HTR4: variants seen among roughly 807,000 people sequenced by gnomAD.
HTR4 encodes the protein 5-hydroxytryptamine receptor 4.
Under a neutral mutation model 36.8 loss-of-function variants are expected in HTR4, and 16 were observed. The ratio of observed to expected loss-of-function variants is 0.43; its 90% CI spans 0.29 to 0.66. HTR4 has a LOEUF of 0.66. Ranked by LOEUF, HTR4 falls within the 30% of genes least tolerant of loss-of-function variation. HTR4 has a pLI of 0.13. For missense variants in HTR4, 438 were observed against 490.9 expected, an observed-to-expected ratio of 0.89 and a Z score of 1.02; for synonymous variants, 189 against 185.1, an observed-to-expected ratio of 1.02 and a Z score of -0.17.
chr5:148,466,009 G>A (rs1408784191), intron 5 of HTR4: 49 of 1,572,318 alleles, frequency 3.1e-5, no homozygotes, highest in Non-Finnish European at 4.0e-5. Context: ...AAAACATAGA[G>A]ATTAGTAGAC....
In HTR4 at chr5:148,509,791, G is replaced by C; in HGVS notation, c.741C>G (p.Ser247Arg). 6.2e-7 allele frequency: 1 copy of C among 1,614,028 alleles called. No individual in the cohort carries two copies. The highest frequency in any genetic ancestry group is 8.5e-7 in the Non-Finnish European group (1 of 1,179,994). Residue 247 changes from serine to arginine, a missense_variant, in exon 6 of 7, where the codon AGC becomes AGG. By Grantham distance (110) the Ser-to-Arg change is moderately radical. Coordinates refer to ENST00000377888, the MANE Select transcript of HTR4 (RefSeq NM_000870.7). ...TGGTCTCTGTCCTCATGCGATGAGT[G>C]CTATGCTGGTCTGCCGACTGAGGCC... Reference protein sequence around the residue: ...ESRPQSADQHSTHRMRTETKA... With the variant: ...ESRPQSADQHRTHRMRTETKA...
intron 5 of HTR4, chr5:148,520,827 G>A (rs1027246608): frequency 1.5e-6 from 2 of 1,309,740 alleles, no homozygotes; most frequent in Non-Finnish European, 2.1e-6. Flanking sequence ...AAATTGGATA[G>A]GATTCAAAAA....
intron 5 of HTR4, chr5:148,451,291 AGGC>A: frequency 6.2e-7 from 1 of 1,613,518 alleles, no homozygotes; most frequent in Non-Finnish European, 8.5e-7. Flanking sequence ...GAAGGAAAGA[AGGC>A]ATGAGAATTC....
chr5:148,570,353 A>T (rs193077045), intron 2 of HTR4, among the ~76,000 whole-genome samples: 16 of 152,266 alleles, frequency 1.1e-4, no homozygotes, highest in Non-Finnish European at 1.5e-4. Flanking sequence ...AAGGAGACAG[A>T]CATGAATCCA....
chr5:148,463,657 T>C (rs1029183178), intron 5 of HTR4, among the ~76,000 whole-genome samples: 1 of 152,134 alleles, frequency 6.6e-6, no homozygotes, highest in Admixed American at 6.5e-5. Flanking sequence ...ATAATTGATT[T>C]ATAGATCTAA....
At chr5:148,513,815 C>T (rs7705481) in intron 5 of HTR4, among the ~76,000 whole-genome samples, 1 of 151,886 alleles carries the variant, frequency 6.6e-6, no homozygotes, top group South Asian at 2.1e-4. Flanking sequence ...TTATAATTTT[C>T]TTTGTGTCTT....
At chr5:148,549,492 A>G (rs920019745) in intron 3 of HTR4, among the ~76,000 whole-genome samples, 1 of 152,196 alleles carries the variant, frequency 6.6e-6, no homozygotes, top group Non-Finnish European at 1.5e-5. Context: ...GCTGTACACT[A>G]GAATCACCTG....
At chr5:148,617,469 T>G (rs1313888808) in intron 2 of HTR4, among the ~76,000 whole-genome samples, 1 of 141,226 alleles carries the variant, frequency 7.1e-6, no homozygotes, top group East Asian at 2.0e-4. Context: ...CTCTCTTTTG[T>G]TTTTTTTTGT....
At chr5:148,475,579 C>A (rs1050562401), downstream of HTR4, among the ~76,000 whole-genome samples, 1 of 152,110 alleles carries the variant, frequency 6.6e-6, no homozygotes, top group African/African-American at 2.4e-5. Context: ...AATCCTTTAC[C>A]ATCTCCATCT....
intron 6 of HTR4, among the ~76,000 whole-genome samples, chr5:148,489,151 C>T (rs1006494379): frequency 6.6e-6 from 1 of 152,192 alleles, no homozygotes; most frequent in African/African-American, 2.4e-5. Context: ...TTAAACACAG[C>T]CAATATTTAC....
chr5:148,484,521 C>T, intron 6 of HTR4: 1 of 720,510 alleles, frequency 1.4e-6, no homozygotes, highest in South Asian at 2.0e-5. Context: ...TCCAGGCTTC[C>T]ACCTATTCCC....
chr5:148,595,177 A>G (rs2127262351), intron 2 of HTR4, among the ~76,000 whole-genome samples: 1 of 152,268 alleles, frequency 6.6e-6, no homozygotes, highest in East Asian at 1.9e-4. Context: ...TACAGACAGA[A>G]AAGACATGTA....
At chr5:148,569,708 T>C (rs1760599393) in intron 2 of HTR4, among the ~76,000 whole-genome samples, 1 of 151,862 alleles carries the variant, frequency 6.6e-6, no homozygotes, top group South Asian at 2.1e-4. Flanking sequence ...TTATATGATA[T>C]CATAGGAGTT....
chr5:148,478,878 C>A (rs1387971339), downstream of HTR4, among the ~76,000 whole-genome samples: 1 of 152,146 alleles, frequency 6.6e-6, no homozygotes, highest in Non-Finnish European at 1.5e-5. Flanking sequence ...TGTCTCCTGA[C>A]TGCTGACAGG....
At chr5:148,624,583 CAT>C (rs1298930702) in intron 2 of HTR4, among the ~76,000 whole-genome samples, 1 of 152,192 alleles carries the variant, frequency 6.6e-6, no homozygotes, top group African/African-American at 2.4e-5. Flanking sequence ...TTAGCAATCA[CAT>C]GCCAGGAAAT....
intron 4 of HTR4, among the ~76,000 whole-genome samples, chr5:148,538,145 A>G (rs1217647482): frequency 6.6e-6 from 1 of 152,176 alleles, no homozygotes; most frequent in African/African-American, 2.4e-5. Flanking sequence ...GATAATCTCA[A>G]TAGAAGCAGA....
intron 2 of HTR4, among the ~76,000 whole-genome samples, chr5:148,626,237 T>C (rs982826955): frequency 2.6e-5 from 4 of 152,240 alleles, no homozygotes; most frequent in African/African-American, 9.6e-5. Flanking sequence ...TTGCAAAACT[T>C]CTGTCAGTGG....
chr5:148,494,661 A>G (rs1581378486), intron 6 of HTR4, among the ~76,000 whole-genome samples: 1 of 152,212 alleles, frequency 6.6e-6, no homozygotes, highest in Non-Finnish European at 1.5e-5. Context: ...AGAAAGTTGT[A>G]TTGCCTCCTT....
chr5:148,530,228 A>G (rs1048688394), intron 4 of HTR4, among the ~76,000 whole-genome samples: 1 of 152,216 alleles, frequency 6.6e-6, no homozygotes, highest in Non-Finnish European at 1.5e-5. Flanking sequence ...GCTGAATGTT[A>G]ATCCCCAAGA....
Sources: allele counts gnomAD v4.1 joint callset (sites outside exome capture counted in the v4.1 genomes callset), GRCh38; gene constraint gnomAD v4.1.1; transcripts MANE v1.5; gene names NCBI Gene and HGNC (gene_info 2026-07-23, HGNC 2026-07-21).